The following LPAR1 variants were observed in gnomAD, a reference collection of about 807,000 sequenced individuals.
The protein encoded by LPAR1 is lysophosphatidic acid receptor 1, also known as LPA receptor 1.
Under a neutral mutation model 23.8 loss-of-function variants are expected in LPAR1, and 5 were observed. The observed-to-expected ratio is 0.21, with a 90% confidence interval of 0.11 to 0.44. The LOEUF (loss-of-function observed/expected upper bound fraction) is 0.44. Among genes scored for constraint, LPAR1 ranks in the 20% least tolerant of loss-of-function variants. The probability of loss-of-function intolerance (pLI) is 0.99; values close to 1 mark genes in which losing one functional copy is unlikely to be tolerated. For synonymous variants in LPAR1, 160 were observed against 164.7 expected, an observed-to-expected ratio of 0.97 and a Z score of 0.22; for missense variants, 311 against 482.8, an observed-to-expected ratio of 0.64 and a Z score of 3.33.
chr9:110,981,847 T>C (rs774580510), intron 2 of LPAR1, among the ~76,000 whole-genome samples: 4 of 152,156 alleles, frequency 2.6e-5, no homozygotes, highest in Admixed American at 6.6e-5. Flanking sequence ...AGAAGACATT[T>C]ATGCAGCCAA....
chr9:111,027,571 G>A (rs754430722), intron 2 of LPAR1, among the ~76,000 whole-genome samples: 28 of 151,936 alleles, frequency 1.8e-4, no homozygotes, highest in Non-Finnish European at 3.8e-4. Flanking sequence ...TTTAAGTCCT[G>A]TCCTCATCTA....
intron 2 of LPAR1, among the ~76,000 whole-genome samples, chr9:111,016,249 A>G (rs561021740): frequency 1.5e-4 from 23 of 152,292 alleles, no homozygotes; most frequent in Non-Finnish European, 3.1e-4. Flanking sequence ...ACCATATACC[A>G]GCAAATGTCA....
At chr9:110,971,451 G>A (rs1255246372) in intron 4 of LPAR1, among the ~76,000 whole-genome samples, 5 of 152,128 alleles carry the variant, frequency 3.3e-5, no homozygotes, top group Non-Finnish European at 7.4e-5. Flanking sequence ...CTGCTGCCTG[G>A]TGAATCTGAA....
intron 4 of LPAR1, among the ~76,000 whole-genome samples, chr9:110,950,460 G>A (rs2095533381): frequency 1.3e-5 from 1 of 77,634 alleles, no homozygotes; most frequent in Non-Finnish European, 2.3e-5. Flanking sequence ...GTAAGACTCT[G>A]TCTAAAAAAA....
At chr9:110,906,059 T>C (rs548428646) in intron 5 of LPAR1, among the ~76,000 whole-genome samples, 2 of 152,316 alleles carry the variant, frequency 1.3e-5, no homozygotes, top group South Asian at 2.1e-4. Context: ...TAGGTAGCAA[T>C]GGATTTGGAA....
At chr9:111,026,304 T>C (rs944550195) in intron 2 of LPAR1, among the ~76,000 whole-genome samples, 2 of 152,216 alleles carry the variant, frequency 1.3e-5, no homozygotes, top group African/African-American at 2.4e-5. Flanking sequence ...GAATGGGAGT[T>C]CATTTATGAT....
chr9:110,908,388 A>G (rs1356002908), intron 5 of LPAR1, among the ~76,000 whole-genome samples: 1 of 151,038 alleles, frequency 6.6e-6, no homozygotes, highest in African/African-American at 2.4e-5. Flanking sequence ...ATGTTATTTT[A>G]TTAAAATTTA....
intron 2 of LPAR1, among the ~76,000 whole-genome samples, chr9:110,979,354 T>C (rs907906834): frequency 6.7e-6 from 1 of 149,092 alleles, no homozygotes; most frequent in African/African-American, 2.5e-5. Flanking sequence ...GGCTACAAAA[T>C]GAGTCCAGCA....
intron 4 of LPAR1, among the ~76,000 whole-genome samples, chr9:110,959,970 A>G (rs1203412719): frequency 6.6e-6 from 1 of 152,162 alleles, no homozygotes; most frequent in African/African-American, 2.4e-5. Flanking sequence ...TGTATAGTGA[A>G]TAGAATGGTG....
intron 4 of LPAR1, among the ~76,000 whole-genome samples, chr9:110,959,009 A>G (rs2095854741): frequency 6.6e-6 from 1 of 151,794 alleles, no homozygotes; most frequent in Admixed American, 6.6e-5. Context: ...CAAAACCACA[A>G]TAAGATATCA....
At chr9:110,902,545 A>T (rs2089626583) in intron 5 of LPAR1, among the ~76,000 whole-genome samples, 1 of 152,082 alleles carries the variant, frequency 6.6e-6, no homozygotes, top group Non-Finnish European at 1.5e-5. Flanking sequence ...GCCATGTGGA[A>T]CTGGGAGTCA....
intron 2 of LPAR1, among the ~76,000 whole-genome samples, chr9:111,027,364 G>T (rs183425234): frequency 1.6e-4 from 25 of 152,140 alleles, no homozygotes; most frequent in Admixed American, 1.5e-3. Context: ...AACCAAACAT[G>T]GTGGCATGTG....
chr9:110,981,703 T>C lies in LPAR1; in HGVS notation c.-181-8145A>G, dbSNP rs528833584. Among the ~76,000 whole-genome samples, 293 of 152,160 alleles carry C rather than the reference T, an allele frequency of 1.9e-3. 3 individuals carry two copies. The highest frequency in any genetic ancestry group is 0.017 in the Middle Eastern group (5 of 294). Reference sequence around the variant, plus strand: ...GAAGTCTGGCTTGGGAAAAAGTACATGTGCTTACAATAATGGAATTTACTA... The same window carrying C: ...GAAGTCTGGCTTGGGAAAAAGTACACGTGCTTACAATAATGGAATTTACTA... On this transcript the variant is annotated intron_variant, in intron 2 of 5. Transcript: ENST00000683809.
At chr9:111,008,329 G>A (rs2097261592) in intron 2 of LPAR1, among the ~76,000 whole-genome samples, 1 of 152,118 alleles carries the variant, frequency 6.6e-6, no homozygotes, top group African/African-American at 2.4e-5. Context: ...TGCTGTGTGT[G>A]TATGCATACA....
At chr9:110,949,890 A>T (rs999535846) in intron 4 of LPAR1, among the ~76,000 whole-genome samples, 4 of 152,178 alleles carry the variant, frequency 2.6e-5, no homozygotes, top group Non-Finnish European at 5.9e-5. Context: ...TTTAACATTT[A>T]AAAAATGTGG....
intron 2 of LPAR1, among the ~76,000 whole-genome samples, chr9:111,025,606 C>A (rs2097674866): frequency 1.3e-5 from 2 of 152,298 alleles, no homozygotes; most frequent in South Asian, 4.1e-4. Context: ...GTGTTTTAGT[C>A]ATGAAGTCTT....
At chr9:111,020,521 T>C (rs1263949683) in intron 2 of LPAR1, among the ~76,000 whole-genome samples, 2 of 152,216 alleles carry the variant, frequency 1.3e-5, no homozygotes, top group African/African-American at 4.8e-5. Flanking sequence ...GACTTTTGTC[T>C]ACACCACTTC....
At chr9:110,994,600 T>C (rs2096959640) in intron 2 of LPAR1, among the ~76,000 whole-genome samples, 1 of 152,172 alleles carries the variant, frequency 6.6e-6, no homozygotes, top group Non-Finnish European at 1.5e-5. Flanking sequence ...TCTTCACACT[T>C]TTTTACTGTA....
intron 2 of LPAR1, among the ~76,000 whole-genome samples, chr9:111,012,469 G>GCGCA (rs1229007475): frequency 8.6e-4 from 129 of 150,068 alleles, no homozygotes; most frequent in African/African-American, 3.0e-3. Flanking sequence ...ACGCACGCGC[G>GCGCA]CACACACACA....
Sources: allele counts gnomAD v4.1 joint callset (sites outside exome capture counted in the v4.1 genomes callset), GRCh38; gene constraint gnomAD v4.1.1; transcripts MANE v1.5; gene names NCBI Gene and HGNC (gene_info 2026-07-23, HGNC 2026-07-21).